The following MALRD1 variants were observed in gnomAD, a reference collection of about 807,000 sequenced individuals.
MALRD1 encodes the protein MAM and LDL receptor class A domain containing 1.
In MALRD1, 247 loss-of-function variants were observed where a neutral mutation model predicts 242.1. That is an observed-to-expected ratio of 1.02 (90% CI 0.92 to 1.13). The LOEUF is 1.13. Among genes scored for constraint, MALRD1 ranks in the 50% most tolerant of loss-of-function variants. The pLI is 0.00. For missense variants in MALRD1, 2,989 were observed against 2,533.1 expected (o/e 1.18, Z -3.86); for synonymous variants, 995 against 866.6 (o/e 1.15, Z -2.60).
At chr10:19,680,160 G>A (rs1163195710) in intron 36 of MALRD1, among the ~76,000 whole-genome samples, 1 of 152,120 alleles carries the variant, frequency 6.6e-6, no homozygotes, top group Non-Finnish European at 1.5e-5. Context: ...AGGTCCAGTT[G>A]ATCCAGAGCT....
intron 32 of MALRD1, among the ~76,000 whole-genome samples, chr10:19,555,746 T>G (rs1049031406): frequency 2.0e-5 from 3 of 152,154 alleles, no homozygotes; most frequent in Non-Finnish European, 2.9e-5. Context: ...CTTTGATAGA[T>G]TAATGTACCT....
intron 28 of MALRD1, among the ~76,000 whole-genome samples, chr10:19,427,030 G>C (rs1462334275): frequency 6.6e-6 from 1 of 152,134 alleles, no homozygotes; most frequent in Non-Finnish European, 1.5e-5. Context: ...ACCTAAGTCA[G>C]TGCACTACAA....
chr10:19,661,691 G>C (rs890139211), intron 36 of MALRD1, among the ~76,000 whole-genome samples: 2 of 152,060 alleles, frequency 1.3e-5, no homozygotes, highest in Non-Finnish European at 2.9e-5. Flanking sequence ...GTTAAATGAC[G>C]AGTTAATGGG....
chr10:19,434,127 C>T (rs1834255986), intron 28 of MALRD1, among the ~76,000 whole-genome samples: 2 of 152,250 alleles, frequency 1.3e-5, no homozygotes, highest in South Asian at 4.1e-4. Flanking sequence ...ACCTTTGAGT[C>T]ACATATTGCC....
chr10:19,493,023 A>C (rs949256100), intron 30 of MALRD1, among the ~76,000 whole-genome samples: 4 of 152,184 alleles, frequency 2.6e-5, no homozygotes, highest in African/African-American at 9.7e-5. Context: ...AAAATTTACC[A>C]TTTCAACCAT....
chr10:19,444,925 C>T (rs941020781), intron 28 of MALRD1, among the ~76,000 whole-genome samples: 3 of 152,178 alleles, frequency 2.0e-5, no homozygotes, highest in South Asian at 2.1e-4. Flanking sequence ...CCATTCTCCC[C>T]ATCACTTTCA....
At chr10:19,539,421 T>A (rs1554795625) in intron 32 of MALRD1, among the ~76,000 whole-genome samples, 1 of 152,234 alleles carries the variant, frequency 6.6e-6, no homozygotes, top group Non-Finnish European at 1.5e-5. Context: ...CAATATTGTC[T>A]TATATTTTCT....
At chr10:19,607,960 A>T in intron 35 of MALRD1, 58 bp downstream of exon 35, 2 of 1,525,126 alleles carry the variant, frequency 1.3e-6, no homozygotes, top group Non-Finnish European at 1.8e-6. Flanking sequence ...AACCTGCAAC[A>T]CAATGAAAAT....
At chr10:19,433,379 G>A (rs1259603230) in intron 28 of MALRD1, among the ~76,000 whole-genome samples, 1 of 152,128 alleles carries the variant, frequency 6.6e-6, no homozygotes, top group African/African-American at 2.4e-5. Context: ...GTAATTGGAA[G>A]ACTCTTTGAA....
intron 32 of MALRD1, among the ~76,000 whole-genome samples, chr10:19,552,685 G>T (rs1016449248): frequency 3.3e-5 from 5 of 151,540 alleles, no homozygotes; most frequent in African/African-American, 1.2e-4. Context: ...TTGATGAATT[G>T]ATTATCGTAG....
chr10:19,090,023 A>G (rs1835826894), intron 4 of MALRD1, among the ~76,000 whole-genome samples: 3 of 70,616 alleles, frequency 4.2e-5, no homozygotes, highest in African/African-American at 2.4e-4. Flanking sequence ...AGGTAGTGTG[A>G]TGCCTCCAGC....
chr10:19,359,760 GAAA>G (rs397947935), intron 26 of MALRD1, among the ~76,000 whole-genome samples: 108 of 88,946 alleles, frequency 1.2e-3, no homozygotes, highest in African/African-American at 5.0e-3. Flanking sequence ...TGAAGTAGAT[GAAA>G]AAAAAAATAA....
At chr10:19,197,822 C>T (rs1315761574) in intron 14 of MALRD1, among the ~76,000 whole-genome samples, 4 of 152,182 alleles carry the variant, frequency 2.6e-5, no homozygotes, top group African/African-American at 9.7e-5. Flanking sequence ...TGTCCACACC[C>T]CCCTGGCTTT....
At chr10:19,168,330 C>T (rs1280763363) in intron 13 of MALRD1, among the ~76,000 whole-genome samples, 2 of 152,180 alleles carry the variant, frequency 1.3e-5, no homozygotes, top group Non-Finnish European at 2.9e-5. Flanking sequence ...TGATCTTTTG[C>T]CTCCTGCATT....
chr10:19,513,623 C>T (rs1017569082), intron 31 of MALRD1, among the ~76,000 whole-genome samples: 1 of 151,838 alleles, frequency 6.6e-6, no homozygotes, highest in Non-Finnish European at 1.5e-5. Context: ...CCTGTAGCCC[C>T]AGCTACTCGG....
intron 24 of MALRD1, among the ~76,000 whole-genome samples, chr10:19,332,252 C>T (rs1843410370): frequency 6.6e-6 from 1 of 151,478 alleles, no homozygotes; most frequent in South Asian, 2.1e-4. Flanking sequence ...AGCCTGCAGC[C>T]TCTGATGCAT....
chr10:19,452,928 G>A (rs193263704), intron 29 of MALRD1, among the ~76,000 whole-genome samples: 5 of 152,240 alleles, frequency 3.3e-5, no homozygotes, highest in Middle Eastern at 3.4e-3. Flanking sequence ...TTCGCTTTGC[G>A]TCGGTTTCCT....
At chr10:19,474,434 A>G (rs1253954579) in intron 29 of MALRD1, among the ~76,000 whole-genome samples, 1 of 152,192 alleles carries the variant, frequency 6.6e-6, no homozygotes, top group Non-Finnish European at 1.5e-5. Context: ...TTTGTTTGCT[A>G]TAATCTCATT....
intron 31 of MALRD1, among the ~76,000 whole-genome samples, chr10:19,511,461 A>G (rs1339658946): frequency 6.6e-6 from 1 of 152,248 alleles, no homozygotes; most frequent in East Asian, 1.9e-4. Flanking sequence ...TAGCATGGTT[A>G]GAGCCCATCA....
Sources: allele counts gnomAD v4.1 joint callset (sites outside exome capture counted in the v4.1 genomes callset), GRCh38; gene constraint gnomAD v4.1.1; transcripts MANE v1.5; gene names NCBI Gene and HGNC (gene_info 2026-07-23, HGNC 2026-07-21).